VCL: variants seen among roughly 807,000 people sequenced by gnomAD.
The protein encoded by VCL is epididymis luminal protein 114.
In VCL, 47 loss-of-function variants were observed where a neutral mutation model predicts 125.7. The ratio of observed to expected loss-of-function variants is 0.37; its 90% CI spans 0.30 to 0.48. The LOEUF is 0.48. Ranked by LOEUF, VCL falls within the 20% of genes least tolerant of loss-of-function variation. VCL has a pLI of 0.99. For synonymous variants in VCL, 458 were observed against 514.6 expected (o/e 0.89, Z 1.49); for missense variants, 1,069 against 1,455.5 (o/e 0.73, Z 4.32).
intron 1 of VCL, among the ~76,000 whole-genome samples, chr10:74,038,951 A>G (rs974475928): frequency 3.3e-5 from 5 of 151,450 alleles, no homozygotes; most frequent in Admixed American, 6.6e-5. Context: ...TGCTCTTGTC[A>G]CCCAGGCTGG....
At position 74,072,852 on chromosome 10, in the gene VCL, G is replaced by A. The variant is rs1042952474; in HGVS notation, c.622G>A (p.Ala208Thr). ...AGAGTTGCTGCCAGTTCTCATTTCA[G>A]GTACTTCCTGCCTGTACTTTATTTT... ...VKELLPVLISAMKIFVTTKNS... is the reference protein window; with the variant it reads ...VKELLPVLISTMKIFVTTKNS... Residue 208 changes from alanine (A) to threonine (T), a missense_variant and splice_region_variant, in exon 5 of 22, where the codon GCT becomes ACT. Ala to Thr is a moderately conservative substitution (Grantham distance 58). This residue lies in a region of VCL where 760 missense variants were observed against 928.9 expected (regional missense o/e 0.82). Coordinates refer to ENST00000211998, the MANE Select transcript of VCL (RefSeq NM_014000.3). 1 of 1,613,972 alleles carries A rather than the reference G, an allele frequency of 6.2e-7. No homozygotes were observed. Among genetic ancestry groups the A allele is most frequent in the Non-Finnish European group, 8.5e-7 (1 of 1,179,958 alleles).
At chr10:74,024,246 C>G (rs1187458393) in intron 1 of VCL, among the ~76,000 whole-genome samples, 4 of 152,076 alleles carry the variant, frequency 2.6e-5, no homozygotes, top group Admixed American at 2.0e-4. Context: ...AATTCAATTA[C>G]TATATTGTAA....
At chr10:74,117,079 G>T (rs1258627556) in intron 21 of VCL, among the ~76,000 whole-genome samples, 1 of 152,204 alleles carries the variant, frequency 6.6e-6, no homozygotes, top group Non-Finnish European at 1.5e-5. Flanking sequence ...GCGTTTGTTT[G>T]AAAGATTAAC....
At chr10:74,035,134 GTCT>G (rs1398907616) in intron 1 of VCL, among the ~76,000 whole-genome samples, 2 of 152,158 alleles carry the variant, frequency 1.3e-5, no homozygotes, top group Non-Finnish European at 2.9e-5. Flanking sequence ...AGTAACACAA[GTCT>G]TCTCAGCTTT....
chr10:74,095,183 C>T (rs1280760842), intron 11 of VCL, among the ~76,000 whole-genome samples: 3 of 152,030 alleles, frequency 2.0e-5, no homozygotes, highest in Admixed American at 6.6e-5. Flanking sequence ...ATGCATACAG[C>T]ATAAATGTTT....
chr10:74,111,815 T>G lies in VCL; in HGVS notation c.2746-94T>G, dbSNP rs1178191305. 4.7e-6 allele frequency: 7 copies of G among 1,490,984 alleles called. No homozygotes were observed. The East Asian group carries it at 1.4e-4, about 30-fold the overall frequency. The allele number at this position is 1,490,984 out of a possible 1,614,324, so 92.4% of individuals were successfully genotyped here. A position where few individuals can be genotyped will look rare whatever the true frequency, so the allele number is the denominator to read the frequency against. On this transcript the variant is annotated intron_variant, in intron 18 of 21. Transcript: ENST00000211998. The stretch of plus-strand genomic sequence containing the variant: ...TGTTTCTTTCTCATCCTAGGCAGGC[T>G]TTGGTTACTAAACCAGCTGAAGCCC...
chr10:74,100,850 G>GAGC (rs1840041207), intron 13 of VCL, 98 bp from the exon 14 acceptor site: 5 of 1,413,346 alleles, frequency 3.5e-6, no homozygotes, highest in Admixed American at 1.7e-5. Flanking sequence ...TAAAGTCTTT[G>GAGC]AGCAGTTGCT....
At chr10:74,012,949 T>C (rs1840463256) in intron 1 of VCL, among the ~76,000 whole-genome samples, 1 of 152,154 alleles carries the variant, frequency 6.6e-6, no homozygotes, top group South Asian at 2.1e-4. Flanking sequence ...ATTTTTTCCT[T>C]ATTATGCTTA....
Position 74,090,076 on chromosome 10 carries a change from T to C in VCL, c.1230T>C (p.Gly410=). 6.2e-7 allele frequency: 1 copy of C among 1,614,168 alleles called. No homozygotes were observed. Among genetic ancestry groups the C allele is most frequent in the Middle Eastern group, 1.6e-4 (1 of 6,062 alleles). The change falls in exon 10 of 22, where the codon GGT becomes GGC. Residue 410 remains glycine (G), a synonymous_variant. Coordinates refer to ENST00000211998, the MANE Select transcript of VCL (RefSeq NM_014000.3). ...CGGAAGGAGAAGAGCAGATTCGAGG[T>C]GCTTTGGCTGAAGCTCGGAAAATAG... is the stretch of plus-strand genomic sequence containing the variant. ...GGPEGEEQIR[G]ALAEARKIAE... is the part of the protein sequence containing the mutation.
In VCL at chr10:74,118,385, AAC is replaced by A. The variant is rs1357353201; in HGVS notation, c.*220_*221del. ...TTTCTGTATAAAGCCTGTATTCTCAAACACAGTTACACTTGTGCACCCTCTAT... is the reference window on the plus strand; with the variant it reads ...TTTCTGTATAAAGCCTGTATTCTCAAACAGTTACACTTGTGCACCCTCTAT... On this transcript the variant is annotated 3_prime_UTR_variant, in exon 22 of 22. Transcript: ENST00000211998. 12 of 630,002 alleles carry A rather than the reference AAC, an allele frequency of 1.9e-5. No individual in the cohort carries two copies. Among genetic ancestry groups the A allele is most frequent in the Middle Eastern group, 4.4e-4 (1 of 2,298 alleles). 39.0% of individuals were successfully genotyped at this position (630,002 alleles called of 1,614,324 possible).
chr10:74,109,292 A>C (rs1840184493), intron 18 of VCL, 136 bp downstream of exon 18: 26 of 1,111,756 alleles, frequency 2.3e-5, no homozygotes, highest in Non-Finnish European at 3.4e-5. Flanking sequence ...CCAATAGCAT[A>C]TTCCTCTTCT....
chr10:74,110,102 C>T (rs1840197830), intron 18 of VCL, among the ~76,000 whole-genome samples: 1 of 152,072 alleles, frequency 6.6e-6, no homozygotes, highest in South Asian at 2.1e-4. Context: ...TAGCTGTGAG[C>T]CCAGGTTCTA....
At chr10:74,020,012 G>A (rs1386760794) in intron 1 of VCL, among the ~76,000 whole-genome samples, 2 of 151,274 alleles carry the variant, frequency 1.3e-5, no homozygotes, top group South Asian at 2.1e-4. Context: ...GCAGTGCGCC[G>A]AGATCGCGAC....
chr10:74,047,169 C>T (rs915467918), intron 2 of VCL, among the ~76,000 whole-genome samples: 5 of 152,222 alleles, frequency 3.3e-5, no homozygotes, highest in Middle Eastern at 3.4e-3. Flanking sequence ...TGGTGGCTCA[C>T]GCCTGTAATC....
At chr10:74,008,622 A>C (rs1840361843) in intron 1 of VCL, among the ~76,000 whole-genome samples, 3 of 152,190 alleles carry the variant, frequency 2.0e-5, no homozygotes, top group African/African-American at 2.4e-5. Context: ...AGATATCACA[A>C]AGTTGATCTG....
intron 1 of VCL, among the ~76,000 whole-genome samples, chr10:74,009,077 C>A (rs547804902): frequency 6.6e-6 from 1 of 152,002 alleles, no homozygotes; most frequent in African/African-American, 2.4e-5. Flanking sequence ...GGAGGAAGGA[C>A]GTCCCATTGA....
intron 1 of VCL, among the ~76,000 whole-genome samples, chr10:74,012,536 A>G (rs1340331830): frequency 1.3e-5 from 2 of 152,230 alleles, no homozygotes; most frequent in African/African-American, 2.4e-5. Flanking sequence ...TGTGTTAACT[A>G]CTACAAATAC....
At chr10:74,103,028 G>A (rs1008389266) in intron 14 of VCL, among the ~76,000 whole-genome samples, 3 of 152,126 alleles carry the variant, frequency 2.0e-5, no homozygotes, top group Non-Finnish European at 2.9e-5. Context: ...CACCATACCC[G>A]GCTAGTTTTT....
At chr10:74,074,217 G>A (rs1024090924) in intron 5 of VCL, among the ~76,000 whole-genome samples, 2 of 152,324 alleles carry the variant, frequency 1.3e-5, no homozygotes, top group South Asian at 2.1e-4. Context: ...GATTACAGGC[G>A]TGAGCCACCA....
Sources: allele counts gnomAD v4.1 joint callset (sites outside exome capture counted in the v4.1 genomes callset), GRCh38; gene constraint gnomAD v4.1.1; regional missense constraint gnomAD v4.1.1; transcripts MANE v1.5; gene names NCBI Gene and HGNC (gene_info 2026-07-23, HGNC 2026-07-21).